TNIK: variants seen among roughly 807,000 people sequenced by gnomAD.
TNIK encodes the protein TRAF2 and NCK-interacting protein kinase.
A neutral mutation model predicts 191.3 loss-of-function variants in TNIK; 49 were observed. That is an observed-to-expected ratio of 0.26 (90% CI 0.20 to 0.32). TNIK has a LOEUF of 0.32. Among genes scored for constraint, TNIK ranks in the 10% least tolerant of loss-of-function variants. The pLI is 1.00. For synonymous variants in TNIK, 594 were observed against 600.9 expected (o/e 0.99, Z 0.17); for missense variants, 1,155 against 1,702.3 (o/e 0.68, Z 5.66).
intron 2 of TNIK, among the ~76,000 whole-genome samples, chr3:171,271,027 TCTCA>T (rs1279282967): frequency 6.6e-6 from 1 of 152,224 alleles, no homozygotes; most frequent in African/African-American, 2.4e-5. Context: ...CAGGGATATT[TCTCA>T]CTCACTCTGC....
chr3:171,255,226 A>G (rs1435783830), intron 2 of TNIK, among the ~76,000 whole-genome samples: 2 of 152,214 alleles, frequency 1.3e-5, no homozygotes. Context: ...ACCTGATATG[A>G]GCAGAGAAAC....
intron 2 of TNIK, among the ~76,000 whole-genome samples, chr3:171,291,828 C>T (rs866713288): frequency 4.6e-5 from 7 of 151,896 alleles, no homozygotes; most frequent in Non-Finnish European, 1.5e-5. Context: ...TTTTTCTGTT[C>T]CACTCTTTCT....
chr3:171,243,660 T>C (rs972135755), intron 2 of TNIK, among the ~76,000 whole-genome samples: 2 of 152,216 alleles, frequency 1.3e-5, no homozygotes, highest in African/African-American at 4.8e-5. Context: ...ATTATTAAAT[T>C]ATTTACATTT....
Position 171,257,518 on chromosome 3 carries a change from T to C in TNIK, c.124-29297A>G, listed in dbSNP as rs117546408. ...ACTATTGCTGTTGCTGTAGACCTTG[T>C]TTGATAGTATTTATGCTCATCACAG... On this transcript the variant is annotated intron_variant, in intron 2 of 32. Transcript: ENST00000436636. 7.2e-5 allele frequency among the ~76,000 whole-genome samples: 11 copies of C among 152,300 alleles called. No individual in the cohort carries two copies. In the East Asian group the frequency reaches 2.1e-3, roughly 29 times the overall value.
rs112823291 is a variant in TNIK at position 171,277,566 on chromosome 3, G to T, written c.124-49345C>A. On this transcript the variant is annotated intron_variant, in intron 2 of 32. Transcript: ENST00000436636. ...TACAACGTATCAGCAACTTACCAGA[G>T]GAGTTTCTGTGGGCTGGTTTAGGAA... Among the ~76,000 whole-genome samples the T allele has an allele frequency of 4.3e-3, 650 of 152,208 alleles. 2 individuals carry two copies. The highest frequency in any genetic ancestry group is 0.015 in the African/African-American group (627 of 41,546).
intron 1 of TNIK, among the ~76,000 whole-genome samples, chr3:171,406,737 AAC>A (rs1721744959): frequency 2.0e-5 from 3 of 152,230 alleles, no homozygotes; most frequent in Admixed American, 6.5e-5. Context: ...CCACCCAGCA[AAC>A]ACAGTTTTGA....
chr3:171,391,075 C>T (rs80026885), intron 1 of TNIK, among the ~76,000 whole-genome samples: 2,589 of 152,258 alleles, frequency 0.017, 40 homozygotes, highest in Non-Finnish European at 0.022. Flanking sequence ...TAAGTTGAGG[C>T]ACTTTTCCAG....
intron 2 of TNIK, among the ~76,000 whole-genome samples, chr3:171,233,096 A>G (rs1055477699): frequency 6.6e-6 from 1 of 152,240 alleles, no homozygotes; most frequent in African/African-American, 2.4e-5. Context: ...TTGAAAATTC[A>G]GACATTCCCC....
chr3:171,146,893 C>CAAAAAAA (rs34998782), intron 12 of TNIK, among the ~76,000 whole-genome samples: 3 of 54,894 alleles, frequency 5.5e-5, no homozygotes, highest in Non-Finnish European at 1.3e-4. Flanking sequence ...GACTTCATCT[C>CAAAAAAA]AAAAAAAAAA....
intron 15 of TNIK, among the ~76,000 whole-genome samples, chr3:171,137,968 C>CAAAAAAAAAAAA (rs58897378): frequency 3.6e-4 from 43 of 119,466 alleles, no homozygotes; most frequent in East Asian, 1.1e-3. Context: ...CAAAGATATA[C>CAAAAAAAAAAAA]AAAAAAAAAA....
intron 2 of TNIK, among the ~76,000 whole-genome samples, chr3:171,264,097 CACACACACACACACAT>C (rs1303148823): frequency 3.4e-4 from 27 of 80,174 alleles, no homozygotes; most frequent in African/African-American, 1.3e-3. Context: ...CACACACACA[CACACACACACACACAT>C]ATATATATAT....
intron 1 of TNIK, among the ~76,000 whole-genome samples, chr3:171,389,840 G>A (rs11716511): frequency 0.59 from 90,303 of 152,030 alleles, 28,036 homozygotes; most frequent in African/African-American, 0.73. Context: ...CATAAAAGCC[G>A]TTCATTATTG....
intron 9 of TNIK, among the ~76,000 whole-genome samples, chr3:171,171,254 A>G (rs1735246000): frequency 6.6e-6 from 1 of 152,224 alleles, no homozygotes; most frequent in Non-Finnish European, 1.5e-5. Context: ...GTTCAAAGTC[A>G]CATTACTACT....
chr3:171,445,891 C>T (rs541487763), intron 1 of TNIK, among the ~76,000 whole-genome samples: 1 of 152,252 alleles, frequency 6.6e-6, no homozygotes, highest in South Asian at 2.1e-4. Flanking sequence ...CATCTGAAGC[C>T]AGGGCATGAA....
At chr3:171,306,472 ATTACATT>A (rs1284057360) in intron 2 of TNIK, among the ~76,000 whole-genome samples, 2 of 152,184 alleles carry the variant, frequency 1.3e-5, no homozygotes, top group Non-Finnish European at 2.9e-5. Context: ...GGAGTACAAA[ATTACATT>A]TTATAAAGTA....
chr3:171,308,325 A>G (rs1753680562), intron 2 of TNIK, among the ~76,000 whole-genome samples: 2 of 152,196 alleles, frequency 1.3e-5, no homozygotes, highest in South Asian at 2.1e-4. Flanking sequence ...GCAATGGGGA[A>G]AGGATTCCCT....
chr3:171,288,659 T>A (rs1577361881), intron 2 of TNIK, among the ~76,000 whole-genome samples: 1 of 151,942 alleles, frequency 6.6e-6, no homozygotes, highest in Non-Finnish European at 1.5e-5. Flanking sequence ...ATACAAAAAA[T>A]TAGCCTGGTG....
chr3:171,293,924 A>G (rs561913182), intron 2 of TNIK, among the ~76,000 whole-genome samples: 1 of 152,276 alleles, frequency 6.6e-6, no homozygotes, highest in South Asian at 2.1e-4. Context: ...TACAAAAAAT[A>G]AAAAATATAA....
chr3:171,451,278 A>G (rs1049596913), intron 1 of TNIK, among the ~76,000 whole-genome samples: 5 of 152,208 alleles, frequency 3.3e-5, no homozygotes, highest in African/African-American at 7.2e-5. Flanking sequence ...CAAGCAACCA[A>G]TGGAGCCACC....
Sources: gnomAD v4.1 joint callset for allele counts (sites outside exome capture counted in the v4.1 genomes callset) on GRCh38, gnomAD v4.1.1 for gene constraint, MANE v1.5 for transcripts, NCBI Gene and HGNC (gene_info 2026-07-23, HGNC 2026-07-21) for gene names.